Variants in ADTRP observed in about 807,000 individuals in gnomAD.
The protein encoded by ADTRP is androgen dependent TFPI regulating protein, also known as androgen-dependent TFPI-regulating protein.
A neutral mutation model predicts 27.0 loss-of-function variants in ADTRP; 20 were observed. The observed-to-expected ratio is 0.74, with a 90% CI of 0.52 to 1.08. The LOEUF (loss-of-function observed/expected upper bound fraction) is 1.08, where lower values mean the gene tolerates loss of function less well. Among genes scored for constraint, ADTRP ranks in the 50% least tolerant of loss-of-function variants. The probability of loss-of-function intolerance (pLI) is 0.00; values close to 1 mark genes in which losing one functional copy is unlikely to be tolerated. For missense variants in ADTRP, 251 were observed against 275.0 expected (o/e 0.91, Z 0.62); for synonymous variants, 101 against 105.2 (o/e 0.96, Z 0.25).
chr6:11,723,481 CAAAGT>C lies in ADTRP; in HGVS notation c.521_525del (p.Tyr174Ter), dbSNP rs1333826365. 3 of 1,614,012 alleles carry C rather than the reference CAAAGT, an allele frequency of 1.9e-6. No individual in the cohort carries two copies. The East Asian group carries it at 6.7e-5, about 36-fold the overall frequency. ...ACAGGATACACCCAGGTACCCGTCT[CAAAGT>C]AGAGCCATAGGATGCTGCAGGAAAT... On this transcript the variant is annotated frameshift_variant, in exon 5 of 6. Transcript: ENST00000414691. LOFTEE classifies it high-confidence loss of function.
intron 3 of ADTRP, among the ~76,000 whole-genome samples, chr6:11,765,000 A>G (rs1221391630): frequency 1.3e-5 from 2 of 151,322 alleles, no homozygotes; most frequent in African/African-American, 4.8e-5. Context: ...GAAAAAGTTG[A>G]GAGGAGGAGG....
intron 3 of ADTRP, among the ~76,000 whole-genome samples, chr6:11,757,994 A>G (rs1763266411): frequency 6.6e-6 from 1 of 152,100 alleles, no homozygotes; most frequent in Admixed American, 6.5e-5. Context: ...GGGCTCAGAC[A>G]TTTCTCTCCT....
At chr6:11,727,391 A>G (rs1762243750) in intron 4 of ADTRP, among the ~76,000 whole-genome samples, 1 of 152,156 alleles carries the variant, frequency 6.6e-6, no homozygotes, top group Non-Finnish European at 1.5e-5. Context: ...CTGCATGGCT[A>G]CTTCTCATGG....
intron 4 of ADTRP, chr6:11,728,300 G>A (rs1762281512): frequency 6.6e-6 from 1 of 152,548 alleles, no homozygotes; most frequent in South Asian, 2.1e-4. Flanking sequence ...CCTGCCTGCA[G>A]TGAATCCCAG....
rs116825051 is a variant in ADTRP at position 11,741,103 on chromosome 6, C to T, written c.391-5420G>A. On this transcript the variant is annotated intron_variant, in intron 3 of 5. Transcript: ENST00000414691. ...TCGTGGGGAGGAAGGGATTGGGGAG[C>T]GAAACCACCCACAGAAAGAGCCACT... Among the ~76,000 whole-genome samples, 1,220 of 152,202 alleles carry T rather than the reference C, an allele frequency of 8.0e-3. 17 individuals are homozygous for T. Among genetic ancestry groups the T allele is most frequent in the African/African-American group, 0.028 (1,145 of 41,502 alleles).
At position 11,766,269 on chromosome 6, in the gene ADTRP, C is replaced by T; in HGVS notation, c.390+5G>A. 6.2e-7 allele frequency: 1 copy of T among 1,603,294 alleles called. No homozygotes were observed. The highest frequency in any genetic ancestry group is 8.5e-7 in the Non-Finnish European group (1 of 1,173,112). On this transcript the variant is annotated splice_donor_5th_base_variant and intron_variant, in intron 3 of 5. Transcript: ENST00000414691. ...CTGAGTTCACTGAATTTTCCCCTCA[C>T]TCACCATTGCATGATTCAGCCACAC...
rs570652568 is a variant in ADTRP at position 11,776,748 on chromosome 6, T to TA, written c.153+1858dup. On this transcript the variant is annotated intron_variant, in intron 1 of 5. Transcript: ENST00000414691. ...ACCAATACTAGTGAGACGCAGTCCTTACTGCAGAAGAGACCAGCCTCCCAG... is the reference window on the plus strand; with the variant it reads ...ACCAATACTAGTGAGACGCAGTCCTTAACTGCAGAAGAGACCAGCCTCCCAG... Among the ~76,000 whole-genome samples the TA allele has an allele frequency of 1.5e-4, 23 of 152,272 alleles. No individual in the cohort carries two copies. The South Asian group carries it at 4.8e-3, about 32-fold the overall frequency.
chr6:11,753,164 C>A (rs1016806221), intron 3 of ADTRP, among the ~76,000 whole-genome samples: 1 of 152,186 alleles, frequency 6.6e-6, no homozygotes, highest in Non-Finnish European at 1.5e-5. Flanking sequence ...ATTTTTACAA[C>A]TTGGACATAG....
intron 1 of ADTRP, among the ~76,000 whole-genome samples, chr6:11,777,583 C>A (rs1471568108): frequency 6.6e-6 from 1 of 152,126 alleles, no homozygotes; most frequent in Non-Finnish European, 1.5e-5. Context: ...ATGATTGAAA[C>A]AAGTAGTCAC....
intron 2 of ADTRP, 106 bp downstream of exon 2, chr6:11,768,143 G>T: frequency 7.3e-7 from 1 of 1,363,874 alleles, no homozygotes; most frequent in Non-Finnish European, 1.0e-6. Flanking sequence ...TAAATGCAGT[G>T]GGTGTGGTTT....
intron 3 of ADTRP, among the ~76,000 whole-genome samples, chr6:11,748,769 A>C (rs1335072795): frequency 6.6e-6 from 1 of 152,212 alleles, no homozygotes; most frequent in Non-Finnish European, 1.5e-5. Context: ...GCAAGGGTGC[A>C]GTACGCACGA....
chr6:11,726,061 G>A (rs905753209), intron 4 of ADTRP, among the ~76,000 whole-genome samples: 1 of 152,124 alleles, frequency 6.6e-6, no homozygotes, highest in African/African-American at 2.4e-5. Context: ...TAGGCATTAA[G>A]AAGGAAGAAC....
At chr6:11,749,594 A>G (rs1762976013) in intron 3 of ADTRP, among the ~76,000 whole-genome samples, 1 of 152,096 alleles carries the variant, frequency 6.6e-6, no homozygotes, top group African/African-American at 2.4e-5. Context: ...TCCAAGCGGA[A>G]ACCGAGGTAG....
At chr6:11,738,152 TG>T (rs1561752772) in intron 3 of ADTRP, among the ~76,000 whole-genome samples, 1 of 152,222 alleles carries the variant, frequency 6.6e-6, no homozygotes, top group African/African-American at 2.4e-5. Context: ...CTATTATCAG[TG>T]TGACTGTTGT....
At chr6:11,768,777 T>C (rs1763656621) in intron 1 of ADTRP, among the ~76,000 whole-genome samples, 1 of 152,072 alleles carries the variant, frequency 6.6e-6, no homozygotes, top group African/African-American at 2.4e-5. Flanking sequence ...TCAGGAGTCT[T>C]CCTGGGAAGG....
intron 3 of ADTRP, among the ~76,000 whole-genome samples, chr6:11,759,506 TA>T (rs200483942): frequency 1.3e-4 from 20 of 151,672 alleles, no homozygotes; most frequent in South Asian, 4.2e-4. Flanking sequence ...CTTTTTTTTT[TA>T]AAAAAGAAAA....
intron 3 of ADTRP, among the ~76,000 whole-genome samples, chr6:11,743,273 C>T (rs1762772994): frequency 6.6e-6 from 1 of 152,160 alleles, no homozygotes; most frequent in South Asian, 2.1e-4. Flanking sequence ...TTCAGGACTC[C>T]TCTCCAGCCT....
chr6:11,776,599 G>T (rs551389175), intron 1 of ADTRP, among the ~76,000 whole-genome samples: 6 of 152,312 alleles, frequency 3.9e-5, no homozygotes, highest in Non-Finnish European at 7.3e-5. Flanking sequence ...CAAGGATTTG[G>T]GAGGAGTATA....
chr6:11,764,205 G>A (rs1296009857), intron 3 of ADTRP, among the ~76,000 whole-genome samples: 1 of 152,224 alleles, frequency 6.6e-6, no homozygotes, highest in East Asian at 1.9e-4. Flanking sequence ...CGGATGTGAT[G>A]TATGTTATCC....
Sources: allele counts gnomAD v4.1 joint callset (sites outside exome capture counted in the v4.1 genomes callset), GRCh38; gene constraint gnomAD v4.1.1; transcripts MANE v1.5; gene names NCBI Gene and HGNC (gene_info 2026-07-23, HGNC 2026-07-21).